PAX5: variants seen among roughly 807,000 people sequenced by gnomAD.
PAX5 encodes paired box 5.
PAX5 carries 9 observed loss-of-function variants against 43.7 expected under a neutral mutation model. The ratio of observed to expected loss-of-function variants is 0.21; its 90% CI spans 0.12 to 0.36. The LOEUF is 0.36. Ranked by LOEUF, PAX5 falls within the 10% of genes least tolerant of loss-of-function variation. The probability of loss-of-function intolerance (pLI) is 1.00; values close to 1 mark genes in which losing one functional copy is unlikely to be tolerated. For synonymous variants in PAX5, 228 were observed against 214.3 expected, an observed-to-expected ratio of 1.06 and a Z score of -0.56; for missense variants, 383 against 532.7, an observed-to-expected ratio of 0.72 and a Z score of 2.77.
At chr9:37,025,067 G>T (rs1365352129) in intron 1 of PAX5, among the ~76,000 whole-genome samples, 4 of 152,208 alleles carry the variant, frequency 2.6e-5, no homozygotes, top group African/African-American at 9.7e-5. Flanking sequence ...AGGCAGAAAA[G>T]GCTGTGGAGG....
chr9:36,879,794 C>T (rs1004923591), intron 8 of PAX5, among the ~76,000 whole-genome samples: 15 of 152,168 alleles, frequency 9.9e-5, no homozygotes, highest in African/African-American at 2.4e-4. Flanking sequence ...TCCATGGACG[C>T]GGCTTGGGGT....
intron 1 of PAX5, among the ~76,000 whole-genome samples, chr9:37,032,867 G>A (rs1450297137): frequency 6.6e-6 from 1 of 152,258 alleles, no homozygotes; most frequent in African/African-American, 2.4e-5. Flanking sequence ...GGAGGCACAT[G>A]GGGACCTAAG....
chr9:36,916,929 C>A (rs1829771504), intron 7 of PAX5, among the ~76,000 whole-genome samples: 1 of 152,144 alleles, frequency 6.6e-6, no homozygotes. Flanking sequence ...AAATGATCCG[C>A]CTGCCTTGGT....
chr9:36,974,741 T>C (rs1835275723), intron 5 of PAX5, among the ~76,000 whole-genome samples: 1 of 151,574 alleles, frequency 6.6e-6, no homozygotes. Flanking sequence ...TGGCAGAGAG[T>C]TTAGTGTCCA....
chr9:36,975,606 T>C (rs568749098), intron 5 of PAX5, among the ~76,000 whole-genome samples: 4 of 152,260 alleles, frequency 2.6e-5, no homozygotes, highest in Admixed American at 2.6e-4. Flanking sequence ...AGGATGGTCT[T>C]GATCTCCTGA....
intron 8 of PAX5, among the ~76,000 whole-genome samples, chr9:36,876,361 G>A (rs1438399102): frequency 6.6e-6 from 1 of 152,250 alleles, no homozygotes; most frequent in Non-Finnish European, 1.5e-5. Flanking sequence ...CAGGCCCACA[G>A]GGACCCCACC....
chr9:37,018,544 G>C (rs1205249772), intron 2 of PAX5, among the ~76,000 whole-genome samples: 1 of 109,286 alleles, frequency 9.2e-6, no homozygotes, highest in Non-Finnish European at 1.7e-5. Flanking sequence ...GTCACCTCTT[G>C]TGTGCCCATC....
chr9:36,943,800 A>G (rs1588042921), intron 6 of PAX5, among the ~76,000 whole-genome samples: 1 of 152,208 alleles, frequency 6.6e-6, no homozygotes, highest in Non-Finnish European at 1.5e-5. Context: ...TACTTTCCAG[A>G]AAAGATATAA....
At chr9:36,929,235 G>GAGGAAGGA (rs56223123) in intron 6 of PAX5, among the ~76,000 whole-genome samples, 88 of 134,458 alleles carry the variant, frequency 6.5e-4, no homozygotes, top group African/African-American at 2.4e-3. Flanking sequence ...AGGAAGGAAG[G>GAGGAAGGA]AGGAAGGAAG....
chr9:36,911,136 A>G (rs930202923), intron 7 of PAX5, among the ~76,000 whole-genome samples: 6 of 152,110 alleles, frequency 3.9e-5, no homozygotes, highest in African/African-American at 1.4e-4. Context: ...TTCAGAGCAC[A>G]TGCCCTGGTA....
chr9:37,006,032 G>C (rs1246875543), intron 4 of PAX5, among the ~76,000 whole-genome samples: 1 of 152,178 alleles, frequency 6.6e-6, no homozygotes, highest in Non-Finnish European at 1.5e-5. Flanking sequence ...GGGAACTTTT[G>C]CCACATCTTC....
intron 1 of PAX5, 137 bp downstream of exon 1, chr9:37,033,849 T>C (rs968167268): frequency 1.4e-6 from 1 of 702,628 alleles, no homozygotes; most frequent in Non-Finnish European, 2.5e-6. Flanking sequence ...TGAAAAAACA[T>C]AACAAACACG....
chr9:36,902,683 A>G (rs3824340), intron 7 of PAX5, among the ~76,000 whole-genome samples: 26,399 of 152,190 alleles, frequency 0.17, 2,383 homozygotes, highest in African/African-American at 0.19. Flanking sequence ...GCTGGGTTTC[A>G]CCAGGGCCTT....
intron 6 of PAX5, among the ~76,000 whole-genome samples, chr9:36,957,701 A>G (rs1833604394): frequency 6.6e-6 from 1 of 152,164 alleles, no homozygotes; most frequent in Admixed American, 6.5e-5. Context: ...AACACTTTCT[A>G]TGCGTGCTAT....
intron 5 of PAX5, 65 bp from the exon 6 acceptor site, chr9:36,966,789 C>G (rs1339316320): frequency 6.8e-7 from 1 of 1,478,602 alleles, no homozygotes; most frequent in Non-Finnish European, 9.3e-7. Flanking sequence ...AAAGACAGGT[C>G]AGACCCTGAG....
intron 6 of PAX5, among the ~76,000 whole-genome samples, chr9:36,965,344 A>G (rs1300956237): frequency 1.3e-5 from 2 of 152,196 alleles, no homozygotes; most frequent in African/African-American, 4.8e-5. Context: ...GCACAAAGTA[A>G]ACACTCATCA....
intron 8 of PAX5, among the ~76,000 whole-genome samples, chr9:36,857,847 C>T (rs968774730): frequency 4.6e-5 from 7 of 152,270 alleles, no homozygotes; most frequent in Non-Finnish European, 1.0e-4. Flanking sequence ...ATGTAGGATA[C>T]TGGCCGATAA....
chr9:36,833,668 A>G lies in PAX5; in HGVS notation c.*6892T>C. The G allele has an allele frequency of 8.6e-6, 2 of 233,160 alleles. No individual in the cohort carries two copies. The highest frequency in any genetic ancestry group is 8.5e-6 in the Non-Finnish European group (1 of 118,030). 14.4% of individuals were successfully genotyped at this position (233,160 alleles called of 1,614,324 possible). On this transcript the variant is annotated 3_prime_UTR_variant, in exon 10 of 10. Transcript: ENST00000358127. ...GCTGTAATTACATTCAAATATTATT[A>G]CACACAAAAGCAACACACGTCACTA...
chr9:36,975,418 C>T (rs1835340590), intron 5 of PAX5, among the ~76,000 whole-genome samples: 2 of 151,272 alleles, frequency 1.3e-5, no homozygotes, highest in Non-Finnish European at 2.9e-5. Context: ...CGGAGTCTTG[C>T]TCTGTTGCCC....
Sources: gnomAD v4.1 joint callset for allele counts (sites outside exome capture counted in the v4.1 genomes callset) on GRCh38, gnomAD v4.1.1 for gene constraint, MANE v1.5 for transcripts, NCBI Gene and HGNC (gene_info 2026-07-23, HGNC 2026-07-21) for gene names.